Variants in NCOR2 observed in about 807,000 individuals in gnomAD.
NCOR2 encodes CTG repeat protein 26.
Under a neutral mutation model 262.9 loss-of-function variants are expected in NCOR2, and 81 were observed. That is an observed-to-expected ratio of 0.31 (90% CI 0.26 to 0.37). The LOEUF is 0.37. Ranked by LOEUF, NCOR2 falls within the 10% of genes least tolerant of loss-of-function variation. NCOR2 has a pLI of 1.00. For missense variants in NCOR2, 3,385 were observed against 3,621.4 expected, an observed-to-expected ratio of 0.93 and a Z score of 1.68; for synonymous variants, 1,659 against 1,559.3, an observed-to-expected ratio of 1.06 and a Z score of -1.51.
At position 124,329,922 on chromosome 12, in the gene NCOR2, T is replaced by TG. The variant is rs1291691485; in HGVS notation, c.6958+922dup. Among the ~76,000 whole-genome samples the TG allele has an allele frequency of 2.6e-5, 4 of 152,218 alleles. 1 individual carries two copies. The East Asian group carries it at 5.8e-4, about 22-fold the overall frequency. On this transcript the variant is annotated intron_variant, in intron 44 of 46. Transcript: ENST00000405201. ...TTCGACCAAATTGTCTTCTTCCCGT[T>TG]GCCTGAGGCTTGGCAATGCCCCCGG... is the stretch of plus-strand genomic sequence containing the variant.
intron 23 of NCOR2, 122 bp from the exon 26 acceptor site, chr12:124,355,693 C>G (rs2037894631): frequency 1.4e-5 from 19 of 1,356,518 alleles, no homozygotes; most frequent in Non-Finnish European, 1.7e-5. Flanking sequence ...TCCATGCGCA[C>G]TCCTCTATTG....
Position 124,354,941 on chromosome 12 carries a change from T to A in NCOR2, c.3382-2A>T. The A allele has an allele frequency of 6.2e-7, 1 of 1,612,592 alleles. No individual in the cohort carries two copies. Among genetic ancestry groups the A allele is most frequent in the Admixed American group, 1.7e-5 (1 of 59,674 alleles). On this transcript the variant is annotated splice_acceptor_variant, in intron 24 of 46. Coordinates refer to ENST00000405201, the Ensembl canonical transcript of NCOR2. LOFTEE classifies it high-confidence loss of function. Reference sequence around the variant, plus strand: ...GACGTGGAGCTGGACCGACATTCCCTGTAGGGGCGGAGTTGTGGGGTCACA... The same window carrying A: ...GACGTGGAGCTGGACCGACATTCCCAGTAGGGGCGGAGTTGTGGGGTCACA...
At chr12:124,392,796 C>T (rs1342442644) in intron 16 of NCOR2, among the ~76,000 whole-genome samples, 4 of 152,240 alleles carry the variant, frequency 2.6e-5, no homozygotes, top group East Asian at 1.9e-4. Context: ...TATAAAAGCC[C>T]GTCAGGCCAG....
rs185346862 is a variant in NCOR2 at position 124,558,272 on chromosome 12, C to A, written c.-165+9036G>T. ...AAAATCAACTCTCCCACCCACCCCC[C>A]CTCCAGACCTGGCCCAAGGTCTCCC... On this transcript the variant is annotated intron_variant, in intron 1 of 32. Transcript: ENST00000458234. Among the ~76,000 whole-genome samples the A allele has an allele frequency of 1.2e-4, 18 of 151,444 alleles. 1 individual carries two copies. The South Asian group carries it at 2.1e-3, about 18-fold the overall frequency.
At chr12:124,419,033 C>A (rs2043065586) in intron 13 of NCOR2, among the ~76,000 whole-genome samples, 1 of 152,164 alleles carries the variant, frequency 6.6e-6, no homozygotes, top group African/African-American at 2.4e-5. Context: ...ACTGCCTCCA[C>A]CCGCCTCCTC....
intron 7 of NCOR2, among the ~76,000 whole-genome samples, chr12:124,445,420 C>T (rs898482420): frequency 9.2e-5 from 14 of 152,318 alleles, no homozygotes; most frequent in Admixed American, 8.5e-4. Context: ...GGGAGGGCGG[C>T]GGAGGCGGCT....
At chr12:124,489,863 G>T (rs2047988074) in intron 1 of NCOR2, among the ~76,000 whole-genome samples, 1 of 152,176 alleles carries the variant, frequency 6.6e-6, no homozygotes, top group Non-Finnish European at 1.5e-5. Context: ...CATGGACTGG[G>T]AGAAGTTCCT....
At chr12:124,460,113 G>A (rs989369314) in intron 5 of NCOR2, among the ~76,000 whole-genome samples, 11 of 152,284 alleles carry the variant, frequency 7.2e-5, no homozygotes, top group South Asian at 4.1e-4. Context: ...CAGCACATGC[G>A]GTCAGGGATA....
At chr12:124,335,679 C>A in intron 38 of NCOR2, 47 bp from the exon 41 acceptor site, 1 of 1,555,612 alleles carries the variant, frequency 6.4e-7, no homozygotes, top group East Asian at 2.3e-5. Flanking sequence ...CCCAGGGTTT[C>A]GGAGCCCGAG....
chr12:124,356,712 C>A (rs990630810), exon 23 of NCOR2: 2 of 1,496,364 alleles, frequency 1.3e-6, no homozygotes, highest in Non-Finnish European at 1.8e-6. Context: ...CACGGGGGGG[C>A]ACGGGGAAGG....
chr12:124,333,501 C>T (rs1221523411), intron 41 of NCOR2, among the ~76,000 whole-genome samples: 1 of 151,660 alleles, frequency 6.6e-6, no homozygotes, highest in African/African-American at 2.4e-5. Flanking sequence ...TTTTTTAGTT[C>T]ATGAATTGTA....
intron 30 of NCOR2, 130 bp from the exon 33 acceptor site, chr12:124,346,980 A>T: frequency 8.9e-7 from 1 of 1,118,094 alleles, no homozygotes; most frequent in Non-Finnish European, 1.2e-6. Flanking sequence ...CTTGACCAGG[A>T]AATCTGACCT....
chr12:124,373,218 GGC>G (rs2039643495), intron 19 of NCOR2, among the ~76,000 whole-genome samples: 1 of 146,810 alleles, frequency 6.8e-6, no homozygotes, highest in African/African-American at 2.7e-5. Flanking sequence ...AGGGGACCCG[GGC>G]ACAGTGGACA....
chr12:124,514,463 C>T (rs899763805), intron 1 of NCOR2: 1 of 152,274 alleles, frequency 6.6e-6, no homozygotes, highest in African/African-American at 2.4e-5. Flanking sequence ...CAGGGAGTCA[C>T]AACTGACATC....
chr12:124,496,074 G>A (rs566904002), upstream of NCOR2, among the ~76,000 whole-genome samples: 2 of 152,210 alleles, frequency 1.3e-5, no homozygotes, highest in African/African-American at 4.8e-5. This position sits in a 1 kb window ranked among gnomAD's most constrained non-coding sequence, Gnocchi z 4.4. Flanking sequence ...CCTTCCACGG[G>A]AGAGGATCTA....
At chr12:124,359,046 A>G (rs2038271828) in intron 22 of NCOR2, among the ~76,000 whole-genome samples, 2 of 152,252 alleles carry the variant, frequency 1.3e-5, no homozygotes, top group Admixed American at 1.3e-4. Context: ...CAGAGAAGCA[A>G]TGATGGGTCC....
exon 20 of NCOR2, chr12:124,372,368 C>T (rs781341207): frequency 1.3e-6 from 2 of 1,511,542 alleles, no homozygotes; most frequent in Non-Finnish European, 1.8e-6. Flanking sequence ...TTGGGGACCA[C>T]AGGAGGAGGT....
At chr12:124,493,608 A>G (rs886324793) in intron 1 of NCOR2, among the ~76,000 whole-genome samples, 1 of 152,218 alleles carries the variant, frequency 6.6e-6, no homozygotes, top group Non-Finnish European at 1.5e-5. Context: ...CTCTGGGGTG[A>G]TCAGGGGAAT....
chr12:124,451,549 CTGTGTG>C (rs568707620), intron 6 of NCOR2, among the ~76,000 whole-genome samples: 1 of 148,672 alleles, frequency 6.7e-6, no homozygotes, highest in Admixed American at 6.8e-5. Flanking sequence ...GCCTGAGTCT[CTGTGTG>C]TGTGTGTGTA....
Sources: allele counts gnomAD v4.1 joint callset (sites outside exome capture counted in the v4.1 genomes callset), GRCh38; gene constraint gnomAD v4.1.1; non-coding constraint Gnocchi (gnomAD v3.1); transcripts MANE v1.5; gene names NCBI Gene and HGNC (gene_info 2026-07-23, HGNC 2026-07-21).